Variants in RASA1 observed in about 807,000 individuals in gnomAD.
RASA1 encodes ras GTPase-activating protein 1.
A neutral mutation model predicts 132.2 loss-of-function variants in RASA1; 25 were observed. The ratio of observed to expected loss-of-function variants is 0.19; its 90% CI spans 0.14 to 0.26. The LOEUF (loss-of-function observed/expected upper bound fraction) is 0.26. Among genes scored for constraint, RASA1 ranks in the 10% least tolerant of loss-of-function variants. RASA1 has a pLI of 1.00. For missense variants in RASA1, 964 were observed against 1,299.2 expected, an observed-to-expected ratio of 0.74 and a Z score of 3.97; for synonymous variants, 477 against 449.9, an observed-to-expected ratio of 1.06 and a Z score of -0.76.
chr5:87,390,992 T>G lies in RASA1; in HGVS notation c.*109T>G. On this transcript the variant is annotated 3_prime_UTR_variant, in exon 25 of 25. Transcript: ENST00000274376. ...CAAAAAATAGCACACTTTTCCACATTCCAGTGATGTGTGAGCTATGCAAAC... is the reference window on the plus strand; with the variant it reads ...CAAAAAATAGCACACTTTTCCACATGCCAGTGATGTGTGAGCTATGCAAAC... The G allele has an allele frequency of 9.2e-7, 1 of 1,090,424 alleles. No homozygotes were observed. Among genetic ancestry groups the G allele is most frequent in the Admixed American group, 1.8e-5 (1 of 54,332 alleles). The allele number at this position is 1,090,424 out of a possible 1,614,324, so 67.5% of individuals were successfully genotyped here. A position where few individuals can be genotyped will look rare whatever the true frequency, so the allele number is the denominator to read the frequency against.
At chr5:87,299,171 C>G (rs1755250597) in intron 1 of RASA1, among the ~76,000 whole-genome samples, 1 of 152,150 alleles carries the variant, frequency 6.6e-6, no homozygotes, top group Non-Finnish European at 1.5e-5. Flanking sequence ...AACAAACTTT[C>G]TTGTTTAACT....
chr5:87,350,441 C>T (rs1466420264), intron 8 of RASA1, among the ~76,000 whole-genome samples: 2 of 151,762 alleles, frequency 1.3e-5, no homozygotes, highest in Non-Finnish European at 3.0e-5. Context: ...AATATATCAT[C>T]TTCTTAACTG....
chr5:87,335,292 CAAT>C (rs1378307287), intron 4 of RASA1, among the ~76,000 whole-genome samples: 1 of 151,854 alleles, frequency 6.6e-6, no homozygotes, highest in African/African-American at 2.4e-5. Flanking sequence ...TGTTTGTTGC[CAAT>C]GACAAAATTT....
intron 9 of RASA1, among the ~76,000 whole-genome samples, chr5:87,362,200 A>C (rs889524222): frequency 6.6e-5 from 10 of 152,234 alleles, no homozygotes; most frequent in Admixed American, 5.9e-4. Flanking sequence ...TTGGTTCCTA[A>C]TCTACCAGTT....
intron 20 of RASA1, among the ~76,000 whole-genome samples, chr5:87,382,848 A>G (rs796614587): frequency 3.9e-5 from 6 of 152,180 alleles, no homozygotes; most frequent in African/African-American, 1.4e-4. Context: ...TGTTTAGACC[A>G]AGACAGGAGG....
At chr5:87,270,646 CTTTTTTT>C (rs70996415) in intron 1 of RASA1, among the ~76,000 whole-genome samples, 13 of 71,778 alleles carry the variant, frequency 1.8e-4, no homozygotes, top group African/African-American at 3.2e-4. Flanking sequence ...GGTGCCCGGC[CTTTTTTT>C]TTTTTTTTTT....
chr5:87,293,371 T>C lies in RASA1; in HGVS notation c.539+24381T>C, dbSNP rs534369988. On this transcript the variant is annotated intron_variant, in intron 1 of 24. Coordinates refer to ENST00000274376, the MANE Select transcript of RASA1 (RefSeq NM_002890.3). ...TTCTGCATCTATTAATATGATCATGTGATTTTTCTTCACCCTGACGTGATT... is the reference window on the plus strand; with the variant it reads ...TTCTGCATCTATTAATATGATCATGCGATTTTTCTTCACCCTGACGTGATT... Among the ~76,000 whole-genome samples the C allele has an allele frequency of 2.6e-5, 4 of 152,292 alleles. No individual in the cohort carries two copies. The South Asian group carries it at 8.3e-4, about 32-fold the overall frequency.
At chr5:87,334,987 G>A (rs1171372058) in intron 4 of RASA1, among the ~76,000 whole-genome samples, 1 of 152,124 alleles carries the variant, frequency 6.6e-6, no homozygotes, top group African/African-American at 2.4e-5. Flanking sequence ...GGGTTCAAGG[G>A]ATTCTTTGCC....
chr5:87,344,540 C>T (rs1005090247), intron 6 of RASA1, among the ~76,000 whole-genome samples: 1 of 151,976 alleles, frequency 6.6e-6, no homozygotes, highest in Non-Finnish European at 1.5e-5. Context: ...GAGATAGGTT[C>T]TTGCCATTGC....
chr5:87,366,384 A>T (rs1481673316), intron 11 of RASA1: 6 of 429,438 alleles, frequency 1.4e-5, no homozygotes, highest in Non-Finnish European at 2.8e-5. Context: ...TGGCACAATC[A>T]AAAGAAAGGT....
chr5:87,332,382 G>GTA, intron 2 of RASA1, 125 bp from the exon 3 acceptor site: 1 of 971,506 alleles, frequency 1.0e-6, no homozygotes, highest in Non-Finnish European at 1.5e-6. Flanking sequence ...TGGTATTTTA[G>GTA]TATAAGGATA....
chr5:87,370,871 A>G (rs1001587305), intron 12 of RASA1, among the ~76,000 whole-genome samples: 1 of 152,138 alleles, frequency 6.6e-6, no homozygotes, highest in Non-Finnish European at 1.5e-5. Flanking sequence ...GACTCACAGA[A>G]TAAACCTGAA....
intron 1 of RASA1, among the ~76,000 whole-genome samples, chr5:87,308,853 C>CTA (rs1252848866): frequency 6.6e-6 from 1 of 152,104 alleles, no homozygotes; most frequent in Admixed American, 6.6e-5. Context: ...AAACAATATG[C>CTA]TATACCATGT....
chr5:87,310,269 C>T (rs1755813941), intron 1 of RASA1, among the ~76,000 whole-genome samples: 1 of 151,912 alleles, frequency 6.6e-6, no homozygotes, highest in African/African-American at 2.4e-5. Flanking sequence ...AAAAAGAATT[C>T]CATAGATGTG....
chr5:87,287,032 A>ATATATACACACCATATATATACCCCATG (rs1754614870), intron 1 of RASA1, among the ~76,000 whole-genome samples: 1 of 147,308 alleles, frequency 6.8e-6, no homozygotes, highest in African/African-American at 2.5e-5. Context: ...TATATACCAT[A>ATATATACACACCATATATATACCCCATG]TATATACACA....
intron 1 of RASA1, among the ~76,000 whole-genome samples, chr5:87,302,310 A>G (rs1457358004): frequency 6.6e-6 from 1 of 151,412 alleles, no homozygotes; most frequent in East Asian, 1.9e-4. Flanking sequence ...GGAAGTGTGT[A>G]TTTTTTCATA....
rs374824569 is a variant in RASA1, at chr5:87,300,176, A to T, written c.540-31172A>T. 3.7e-4 allele frequency among the ~76,000 whole-genome samples: 56 copies of T among 152,216 alleles called. 1 individual carries two copies. In the East Asian group the frequency reaches 5.8e-3, roughly 16 times the overall value. Reference sequence around the variant, plus strand: ...CATGAGCCCGGGAGTTAGAGACCAAACCGAGCAACATAGGGAGACCCTGTC... The same window carrying T: ...CATGAGCCCGGGAGTTAGAGACCAATCCGAGCAACATAGGGAGACCCTGTC... On this transcript the variant is annotated intron_variant, in intron 1 of 24. Transcript: ENST00000274376.
intron 11 of RASA1, among the ~76,000 whole-genome samples, chr5:87,368,316 G>C (rs1175270916): frequency 6.6e-6 from 1 of 151,816 alleles, no homozygotes; most frequent in East Asian, 1.9e-4. Context: ...TTTTTTTAAA[G>C]ATACAGTTTC....
intron 1 of RASA1, among the ~76,000 whole-genome samples, chr5:87,282,270 C>A (rs547829390): frequency 6.6e-6 from 1 of 151,966 alleles, no homozygotes; most frequent in Non-Finnish European, 1.5e-5. Flanking sequence ...ACAATTTATT[C>A]GTTTTCCTTT....
Sources: gnomAD v4.1 joint callset for allele counts (sites outside exome capture counted in the v4.1 genomes callset) on GRCh38, gnomAD v4.1.1 for gene constraint, MANE v1.5 for transcripts, NCBI Gene and HGNC (gene_info 2026-07-23, HGNC 2026-07-21) for gene names.